REEP1: variants seen among roughly 807,000 people sequenced by gnomAD.
REEP1 encodes receptor expression-enhancing protein 1.
Under a neutral mutation model 40.3 loss-of-function variants are expected in REEP1, and 22 were observed. That is an observed-to-expected ratio of 0.55 (90% CI 0.39 to 0.78). The LOEUF (loss-of-function observed/expected upper bound fraction) is 0.78, where lower values mean the gene tolerates loss of function less well. Ranked by LOEUF, REEP1 falls within the 30% of genes least tolerant of loss-of-function variation. REEP1 has a pLI of 0.00. For missense variants in REEP1, 280 were observed against 361.1 expected (o/e 0.78, Z 1.82); for synonymous variants, 116 against 139.2 (o/e 0.83, Z 1.17).
intron 2 of REEP1, among the ~76,000 whole-genome samples, chr2:86,271,412 C>A (rs1357434848): frequency 1.3e-5 from 2 of 150,762 alleles, no homozygotes; most frequent in African/African-American, 4.9e-5. Flanking sequence ...ATACATTACA[C>A]ACAAGAGAAT....
chr2:86,262,187 C>G (rs1205250982), intron 3 of REEP1, among the ~76,000 whole-genome samples: 1 of 152,214 alleles, frequency 6.6e-6, no homozygotes, highest in Non-Finnish European at 1.5e-5. Context: ...TACTTTGTCT[C>G]TGTGTCTTTT....
At chr2:86,225,245 G>A (rs1273393956) in intron 7 of REEP1, among the ~76,000 whole-genome samples, 1 of 152,208 alleles carries the variant, frequency 6.6e-6, no homozygotes, top group South Asian at 2.1e-4. Flanking sequence ...TGTCAGTTCA[G>A]TTTGGCCTTA....
At chr2:86,219,355 C>T (rs991839717) in intron 8 of REEP1, among the ~76,000 whole-genome samples, 4 of 151,852 alleles carry the variant, frequency 2.6e-5, no homozygotes, top group East Asian at 1.9e-4. Context: ...TTCACTTGTA[C>T]GTCAACTTAG....
At chr2:86,239,208 C>CAAAAAAAAAAAA (rs35714309) in intron 5 of REEP1, among the ~76,000 whole-genome samples, 6 of 58,358 alleles carry the variant, frequency 1.0e-4, no homozygotes, top group South Asian at 9.8e-4. Context: ...CCATCTAGAC[C>CAAAAAAAAAAAA]AAAAAAAAAA....
intron 7 of REEP1, among the ~76,000 whole-genome samples, chr2:86,226,560 C>T (rs536170290): frequency 1.8e-4 from 27 of 150,698 alleles, no homozygotes; most frequent in African/African-American, 6.4e-4. Flanking sequence ...CCTTGATTTC[C>T]CAGGCTCAAG....
At chr2:86,293,655 G>A (rs1678839430) in intron 1 of REEP1, among the ~76,000 whole-genome samples, 2 of 152,208 alleles carry the variant, frequency 1.3e-5, no homozygotes, top group African/African-American at 4.8e-5. Context: ...ATACAGGAAA[G>A]TTCAGGTTTT....
chr2:86,226,712 C>T (rs1373416342), intron 7 of REEP1, among the ~76,000 whole-genome samples: 1 of 151,142 alleles, frequency 6.6e-6, no homozygotes, highest in Non-Finnish European at 1.5e-5. Context: ...TCAAGAAATC[C>T]TCCCACTTCT....
intron 3 of REEP1, among the ~76,000 whole-genome samples, chr2:86,262,897 T>G (rs1676940774): frequency 6.6e-6 from 1 of 152,220 alleles, no homozygotes; most frequent in South Asian, 2.1e-4. Flanking sequence ...TTCTTTCGCC[T>G]AAGAAGGCAC....
intron 5 of REEP1, among the ~76,000 whole-genome samples, chr2:86,240,249 G>A (rs1309509220): frequency 1.3e-5 from 2 of 152,224 alleles, no homozygotes; most frequent in African/African-American, 4.8e-5. Flanking sequence ...AAGCACCGCA[G>A]AGGAACAAAG....
intron 8 of REEP1, among the ~76,000 whole-genome samples, chr2:86,219,250 T>C (rs1346488327): frequency 6.6e-6 from 1 of 152,210 alleles, no homozygotes; most frequent in African/African-American, 2.4e-5. Context: ...GTCTTGGAGA[T>C]ACAGCGATGA....
chr2:86,259,072 C>A (rs1228306104), intron 3 of REEP1, among the ~76,000 whole-genome samples: 1 of 152,056 alleles, frequency 6.6e-6, no homozygotes, highest in Non-Finnish European at 1.5e-5. Context: ...CTTTGGGAGG[C>A]CGAGGTGGGC....
At chr2:86,239,616 C>T (rs79771503) in intron 5 of REEP1, among the ~76,000 whole-genome samples, 4,700 of 152,258 alleles carry the variant, frequency 0.031, 173 homozygotes, top group East Asian at 0.2. Flanking sequence ...ACATCCAAGC[C>T]AAGCAGGCTC....
intron 7 of REEP1, among the ~76,000 whole-genome samples, chr2:86,226,099 CCACCACCACCACCACCATCAT>C (rs1170601992): frequency 1.1e-3 from 162 of 145,904 alleles, no homozygotes; most frequent in African/African-American, 3.9e-3. Context: ...ACCACCACCA[CCACCACCACCACCACCATCAT>C]CACCACCACC....
intron 2 of REEP1, 143 bp from the exon 3 acceptor site, chr2:86,264,184 C>T (rs1677024053): frequency 9.8e-6 from 7 of 712,866 alleles, no homozygotes; most frequent in South Asian, 5.9e-5. Context: ...CCCTATCCTT[C>T]CCCAGCTTAT....
At chr2:86,227,014 G>A (rs1170425913) in intron 7 of REEP1, among the ~76,000 whole-genome samples, 3 of 152,170 alleles carry the variant, frequency 2.0e-5, no homozygotes, top group African/African-American at 7.2e-5. Context: ...ACGTTGTAAG[G>A]ACTCTTAAGC....
chr2:86,311,257 C>G (rs1679751286), intron 1 of REEP1, among the ~76,000 whole-genome samples: 1 of 152,222 alleles, frequency 6.6e-6, no homozygotes, highest in Admixed American at 6.5e-5. Context: ...CTGCCAGGTT[C>G]TGCCCGCATG....
Position 86,315,265 on chromosome 2 carries a change from A to G in REEP1, c.32+22214T>C, listed in dbSNP as rs543217906. On this transcript the variant is annotated intron_variant, in intron 1 of 8. Transcript: ENST00000538924. Reference sequence around the variant, plus strand: ...GTAGCCAAGGTCACTCAGCTCAGCAAGGGCTGAGTGACACCCCCAAGTCAC... The same window carrying G: ...GTAGCCAAGGTCACTCAGCTCAGCAGGGGCTGAGTGACACCCCCAAGTCAC... 1.6e-3 allele frequency among the ~76,000 whole-genome samples: 237 copies of G among 152,242 alleles called. 2 individuals are homozygous for G. The highest frequency in any genetic ancestry group is 5.6e-3 in the African/African-American group (231 of 41,536).
intron 6 of REEP1, among the ~76,000 whole-genome samples, chr2:86,229,593 TCTTC>T (rs1674898676): frequency 7.1e-6 from 1 of 141,216 alleles, no homozygotes; most frequent in African/African-American, 2.5e-5. Flanking sequence ...CTTTCACCTG[TCTTC>T]CTTTTTTTTT....
intron 5 of REEP1, among the ~76,000 whole-genome samples, chr2:86,241,316 T>C (rs1675654461): frequency 1.3e-5 from 2 of 152,344 alleles, no homozygotes; most frequent in South Asian, 4.1e-4. Context: ...TGAGCTCTAA[T>C]TATACTGGTG....
Sources: gnomAD v4.1 joint callset for allele counts (sites outside exome capture counted in the v4.1 genomes callset) on GRCh38, gnomAD v4.1.1 for gene constraint, MANE v1.5 for transcripts, NCBI Gene and HGNC (gene_info 2026-07-23, HGNC 2026-07-21) for gene names.